Variants in SDC2 observed in about 807,000 individuals in gnomAD.
SDC2 encodes syndecan 2.
A neutral mutation model predicts 22.2 loss-of-function variants in SDC2; 13 were observed. The ratio of observed to expected loss-of-function variants is 0.59; its 90% CI spans 0.38 to 0.93. The LOEUF (loss-of-function observed/expected upper bound fraction) is 0.93. SDC2 is among the 40% of genes least tolerant of loss of function. The pLI is 0.00. For missense variants in SDC2, 235 were observed against 246.8 expected (o/e 0.95, Z 0.32); for synonymous variants, 94 against 92.8 (o/e 1.01, Z -0.07).
intron 1 of SDC2, among the ~76,000 whole-genome samples, chr8:96,580,726 G>C (rs1814575478): frequency 6.6e-6 from 1 of 152,194 alleles, no homozygotes; most frequent in Admixed American, 6.5e-5. Context: ...AAATTCAAAT[G>C]TAACAGGTAG....
Position 96,493,813 on chromosome 8 carries a change from A to C in SDC2, c.-459A>C, listed in dbSNP as rs902884649. ...GCCCCGCTTGGACGCGCTGCTCTCC[A>C]GATACCCCCGGAGCTCCAGCCGCGC... is the stretch of plus-strand genomic sequence containing the variant. On this transcript the variant is annotated 5_prime_UTR_variant, in exon 1 of 5. Transcript: ENST00000302190. The C allele has an allele frequency of 1.3e-5, 2 of 159,200 alleles. No homozygotes were observed. The highest frequency in any genetic ancestry group is 2.8e-5 in the Non-Finnish European group (2 of 72,692). 9.9% of individuals were successfully genotyped at this position (159,200 alleles called of 1,614,324 possible).
At chr8:96,540,340 G>GTATATA (rs1554601718) in intron 1 of SDC2, among the ~76,000 whole-genome samples, 1 of 123,668 alleles carries the variant, frequency 8.1e-6, no homozygotes, top group Non-Finnish European at 1.7e-5. Context: ...ATATATATGT[G>GTATATA]TATATATATA....
At chr8:96,521,837 G>A (rs1039226752) in intron 1 of SDC2, among the ~76,000 whole-genome samples, 2 of 152,184 alleles carry the variant, frequency 1.3e-5, no homozygotes, top group African/African-American at 2.4e-5. Flanking sequence ...AAAAGATTGA[G>A]CTGTTCGTGT....
At chr8:96,585,645 G>T (rs894352769) in intron 1 of SDC2, among the ~76,000 whole-genome samples, 2 of 152,140 alleles carry the variant, frequency 1.3e-5, no homozygotes, top group African/African-American at 4.8e-5. Context: ...TCATATCTGA[G>T]ATGCTGTTTT....
chr8:96,566,594 A>G (rs1239729146), intron 1 of SDC2, among the ~76,000 whole-genome samples: 2 of 152,046 alleles, frequency 1.3e-5, no homozygotes, highest in East Asian at 1.9e-4. Context: ...TAGCAAGCAT[A>G]TATACATAAC....
intron 1 of SDC2, among the ~76,000 whole-genome samples, chr8:96,510,438 C>A (rs1323944197): frequency 6.6e-6 from 1 of 152,158 alleles, no homozygotes; most frequent in Non-Finnish European, 1.5e-5. Flanking sequence ...AGCCCATCAT[C>A]TAATCTATTC....
At chr8:96,571,319 C>G (rs1814390664) in intron 1 of SDC2, among the ~76,000 whole-genome samples, 1 of 152,078 alleles carries the variant, frequency 6.6e-6, no homozygotes, top group South Asian at 2.1e-4. Context: ...AGAGCGGCTG[C>G]AAAGGCCCTG....
intron 1 of SDC2, among the ~76,000 whole-genome samples, chr8:96,585,894 C>T (rs1469043223): frequency 6.8e-6 from 1 of 147,420 alleles, no homozygotes; most frequent in African/African-American, 2.5e-5. Context: ...GTGGGGGTCG[C>T]AGTTAATGTA....
At position 96,593,460 on chromosome 8, in the gene SDC2, C is replaced by T; in HGVS notation, c.61-20C>T. On this transcript the variant is annotated intron_variant, in intron 1 of 4. Coordinates refer to ENST00000302190, the MANE Select transcript of SDC2 (RefSeq NM_002998.4). ...TCTTAATCTCTCAACATCCTGACTC[C>T]CTTGTCTTTCCTTTCTCAGAGAGCA... 1 of 1,537,334 alleles carries T rather than the reference C, an allele frequency of 6.5e-7. No homozygotes were observed. The highest frequency in any genetic ancestry group is 1.4e-5 in the African/African-American group (1 of 73,594).
intron 1 of SDC2, among the ~76,000 whole-genome samples, chr8:96,512,003 C>T (rs1028369486): frequency 6.6e-6 from 1 of 152,200 alleles, no homozygotes; most frequent in African/African-American, 2.4e-5. Flanking sequence ...GCTGTGCTCA[C>T]ACGCAGTTCT....
rs1815166443 is a variant in SDC2 at position 96,611,019 on chromosome 8, T to C, written c.*1471T>C. 6.5e-6 allele frequency: 1 copy of C among 152,684 alleles called. No individual in the cohort carries two copies. Among genetic ancestry groups the C allele is most frequent in the African/African-American group, 2.4e-5 (1 of 41,466 alleles). The allele number at this position is 152,684 out of a possible 1,614,324, so 9.5% of individuals were successfully genotyped here. A position where few individuals can be genotyped will look rare whatever the true frequency, so the allele number is the denominator to read the frequency against. ...CTTTCCTGATGTTGGTATCTAAGGCTTAGGCCTATAGATTGATTTACCTTT... is the reference window on the plus strand; with the variant it reads ...CTTTCCTGATGTTGGTATCTAAGGCCTAGGCCTATAGATTGATTTACCTTT... On this transcript the variant is annotated 3_prime_UTR_variant, in exon 5 of 5. Transcript: ENST00000302190.
At chr8:96,551,310 C>T (rs184976441) in intron 1 of SDC2, among the ~76,000 whole-genome samples, 5 of 152,170 alleles carry the variant, frequency 3.3e-5, no homozygotes, top group Admixed American at 1.3e-4. Flanking sequence ...TTTTCCTAAT[C>T]GAAACTCACC....
chr8:96,556,051 C>G (rs886301658), intron 1 of SDC2, among the ~76,000 whole-genome samples: 1 of 136,844 alleles, frequency 7.3e-6, no homozygotes, highest in African/African-American at 3.3e-5. Flanking sequence ...CACACACACA[C>G]ACACATACAC....
chr8:96,563,010 G>A (rs959974315), intron 1 of SDC2, among the ~76,000 whole-genome samples: 3 of 151,436 alleles, frequency 2.0e-5, no homozygotes, highest in African/African-American at 4.9e-5. Context: ...ATTTGTTTTC[G>A]TGGCTCTGTA....
intron 1 of SDC2, among the ~76,000 whole-genome samples, chr8:96,577,810 A>G (rs1814529209): frequency 6.6e-6 from 1 of 151,970 alleles, no homozygotes; most frequent in African/African-American, 2.4e-5. Flanking sequence ...CCTTTCCAAC[A>G]TGTTGTGTAT....
At chr8:96,544,778 A>G (rs1307080590) in intron 1 of SDC2, among the ~76,000 whole-genome samples, 3 of 152,190 alleles carry the variant, frequency 2.0e-5, no homozygotes. Context: ...CACTCATAAG[A>G]TATGAGGTGA....
intron 1 of SDC2, among the ~76,000 whole-genome samples, chr8:96,549,045 C>T (rs1003897704): frequency 3.3e-5 from 5 of 152,122 alleles, no homozygotes; most frequent in African/African-American, 9.7e-5. Context: ...AAATTGAACT[C>T]GAAGGTGCCT....
At chr8:96,556,037 C>CACACACACACACACACACAT (rs1814104661) in intron 1 of SDC2, among the ~76,000 whole-genome samples, 4 of 91,516 alleles carry the variant, frequency 4.4e-5, no homozygotes, top group African/African-American at 8.0e-5. Flanking sequence ...TAGAATATCA[C>CACACACACACACACACACAT]ACACACACAC....
chr8:96,603,281 T>G (rs1177195201), intron 3 of SDC2, among the ~76,000 whole-genome samples: 1 of 152,192 alleles, frequency 6.6e-6, no homozygotes, highest in East Asian at 1.9e-4. Context: ...CCTATGGGCC[T>G]TGAAGAAGAT....
Sources: allele counts gnomAD v4.1 joint callset (sites outside exome capture counted in the v4.1 genomes callset), GRCh38; gene constraint gnomAD v4.1.1; transcripts MANE v1.5; gene names NCBI Gene and HGNC (gene_info 2026-07-23, HGNC 2026-07-21).